The following SINHCAF variants were observed in gnomAD, a reference collection of about 807,000 sequenced individuals.
SINHCAF encodes the protein SIN3-HDAC complex-associated factor.
In SINHCAF, 3 loss-of-function variants were observed where a neutral mutation model predicts 25.8. That is an observed-to-expected ratio of 0.12 (90% CI 0.05 to 0.30). The LOEUF is 0.30. SINHCAF is among the 10% of genes least tolerant of loss of function. The probability of loss-of-function intolerance (pLI) is 1.00; values close to 1 mark genes in which losing one functional copy is unlikely to be tolerated. For synonymous variants in SINHCAF, 70 were observed against 85.5 expected (o/e 0.82, Z 1.00); for missense variants, 121 against 262.3 (o/e 0.46, Z 3.72).
chr12:31,282,785 T>G lies in SINHCAF; in HGVS notation c.593A>C (p.Asn198Thr), dbSNP rs760094697. ...TGGCTTCTCAGCAGCTGCTTTCTTA[T>G]TGCTGCAGCAAGGCTTGAAGAGATG... ...DTHLFKPCCSNKKAAAEKPEE... is the reference protein window; with the variant it reads ...DTHLFKPCCSTKKAAAEKPEE... The change falls in exon 6 of 6, where the codon AAT becomes ACT. Residue 198 changes from asparagine (N) to threonine (T), a missense_variant. Physicochemically the swap from Asn to Thr is moderately conservative, Grantham distance 65. Coordinates refer to ENST00000337682, the MANE Select transcript of SINHCAF (RefSeq NM_001135812.2). The G allele has an allele frequency of 6.8e-6, 11 of 1,613,290 alleles. No homozygotes were observed. In the Admixed American group the frequency reaches 1.5e-4, roughly 22 times the overall value.
Position 31,286,043 on chromosome 12 carries a change from T to TATG in SINHCAF, c.506+1588_506+1590dup, listed in dbSNP as rs1233549781. On this transcript the variant is annotated intron_variant, in intron 5 of 5. Transcript: ENST00000337682. ...TTAAAGTACTTTAAAGTACTTACAC[T>TATG]ATGCACTAGGCACTGTTCTAAAGTG... Among the ~76,000 whole-genome samples the TATG allele has an allele frequency of 2.0e-5, 3 of 151,776 alleles. No homozygotes were observed. In the East Asian group the frequency reaches 5.8e-4, roughly 29 times the overall value.
intron 5 of SINHCAF, among the ~76,000 whole-genome samples, chr12:31,283,843 A>C (rs1343711461): frequency 7.9e-6 from 1 of 127,250 alleles, no homozygotes; most frequent in East Asian, 2.3e-4. Flanking sequence ...ATCATACTGC[A>C]CAGTTATCCA....
At chr12:31,291,585 G>A (rs546699077) in intron 4 of SINHCAF, among the ~76,000 whole-genome samples, 10 of 152,168 alleles carry the variant, frequency 6.6e-5, no homozygotes, top group Non-Finnish European at 1.3e-4. Flanking sequence ...CCAACATGGC[G>A]AAACTCTGTC....
intron 1 of SINHCAF, among the ~76,000 whole-genome samples, chr12:31,310,838 C>G (rs948541230): frequency 3.3e-5 from 5 of 151,532 alleles, no homozygotes; most frequent in Non-Finnish European, 5.9e-5. Flanking sequence ...TGGATTCTGG[C>G]AGCATCGCTG....
rs531448762 is a variant in SINHCAF at position 31,324,928 on chromosome 12, A to G, written c.-21+1096T>C. 1 of 455,632 alleles carries G rather than the reference A, an allele frequency of 2.2e-6. No individual in the cohort carries two copies. Among genetic ancestry groups the G allele is most frequent in the South Asian group, 1.6e-5 (1 of 64,476 alleles). 28.2% of individuals were successfully genotyped at this position (455,632 alleles called of 1,614,324 possible). On this transcript the variant is annotated intron_variant, in intron 1 of 5. Coordinates refer to ENST00000337682, the MANE Select transcript of SINHCAF (RefSeq NM_001135812.2). This position sits in a 1 kb window ranked among gnomAD's most constrained non-coding sequence, Gnocchi z 5.5. ...CTTTTTAAACTGGCAAGACGCCATC[A>G]TCAGCAAACCACATTGTCCTGCCGG... is the stretch of plus-strand genomic sequence containing the variant.
chr12:31,285,054 T>A (rs926813599), intron 5 of SINHCAF, among the ~76,000 whole-genome samples: 2 of 152,208 alleles, frequency 1.3e-5, no homozygotes, highest in African/African-American at 4.8e-5. Flanking sequence ...ATAATATCTA[T>A]GAATGTGCTA....
chr12:31,305,934 A>T (rs934378538), intron 1 of SINHCAF, among the ~76,000 whole-genome samples: 2 of 152,158 alleles, frequency 1.3e-5, no homozygotes, highest in Non-Finnish European at 2.9e-5. Context: ...TCCTGACCTC[A>T]GGTGATCCGC....
intron 1 of SINHCAF, chr12:31,311,773 C>A (rs1193190450): frequency 8.0e-6 from 4 of 499,328 alleles, no homozygotes; most frequent in Non-Finnish European, 1.6e-5. Flanking sequence ...AGAAAGCCAG[C>A]CTAACCCAAA....
chr12:31,316,071 G>A (rs2137130192), intron 1 of SINHCAF, among the ~76,000 whole-genome samples: 1 of 152,234 alleles, frequency 6.6e-6, no homozygotes, highest in Middle Eastern at 3.4e-3. Flanking sequence ...TCAGGAGGCT[G>A]AGGCAGCAGA....
chr12:31,298,493 G>T (rs1193943230), intron 1 of SINHCAF: 1 of 366,524 alleles, frequency 2.7e-6, no homozygotes, highest in African/African-American at 2.1e-5. Context: ...AAATGGGGAA[G>T]AGAAGCATTT....
intron 4 of SINHCAF, among the ~76,000 whole-genome samples, chr12:31,291,521 T>C (rs1037770809): frequency 1.3e-5 from 2 of 152,184 alleles, no homozygotes; most frequent in African/African-American, 2.4e-5. Flanking sequence ...CCCAGGACTT[T>C]GGGAGGCCAA....
intron 1 of SINHCAF, among the ~76,000 whole-genome samples, chr12:31,321,692 G>A (rs1211422666): frequency 6.6e-6 from 1 of 152,050 alleles, no homozygotes; most frequent in Non-Finnish European, 1.5e-5. Flanking sequence ...GCAAAACTTC[G>A]TGCCTCAATA....
chr12:31,314,186 A>G (rs1457130786), intron 1 of SINHCAF, among the ~76,000 whole-genome samples: 1 of 152,016 alleles, frequency 6.6e-6, no homozygotes. Flanking sequence ...GGAGAAAGAG[A>G]TGGCAGAAGA....
In SINHCAF at chr12:31,325,065, G is replaced by A. The variant is rs1457178263; in HGVS notation, c.-21+959C>T. 8.8e-6 allele frequency: 4 copies of A among 456,826 alleles called. No homozygotes were observed. The highest frequency in any genetic ancestry group is 6.2e-5 in the South Asian group (4 of 64,566). 28.3% of individuals were successfully genotyped at this position (456,826 alleles called of 1,614,324 possible). A position where few individuals can be genotyped will look rare whatever the true frequency, so the allele number is the denominator to read the frequency against. On this transcript the variant is annotated intron_variant, in intron 1 of 5. Transcript: ENST00000337682. The surrounding 1 kb of genome is among the most constrained non-coding windows in gnomAD (Gnocchi z 5.9). ...TGGTCTGTCACGTAGAGCACAAAAA[G>A]CAGTGCCCTGCGGAGTTCACTGACT... is the stretch of plus-strand genomic sequence containing the variant.
chr12:31,318,109 C>T (rs1939559379), intron 1 of SINHCAF, among the ~76,000 whole-genome samples: 1 of 152,166 alleles, frequency 6.6e-6, no homozygotes, highest in Admixed American at 6.5e-5. Context: ...GTACAGCATC[C>T]AGTAAACACT....
Position 31,282,654 on chromosome 12 carries a change from T to C in SINHCAF, c.*58A>G. On this transcript the variant is annotated 3_prime_UTR_variant, in exon 6 of 6. Transcript: ENST00000337682. The stretch of plus-strand genomic sequence containing the variant: ...AAAAGAGGGTCAGTTTGTAGCTTTG[T>C]GGTTTTTCAAAATTCAGATATTTTT... 7.0e-7 allele frequency: 1 copy of C among 1,420,240 alleles called. No individual in the cohort carries two copies. Among genetic ancestry groups the C allele is most frequent in the Non-Finnish European group, 9.5e-7 (1 of 1,053,180 alleles). The allele number at this position is 1,420,240 out of a possible 1,614,324, so 88.0% of individuals were successfully genotyped here.
chr12:31,295,101 G>A, intron 3 of SINHCAF, 133 bp downstream of exon 3: 1 of 619,084 alleles, frequency 1.6e-6, no homozygotes, highest in Non-Finnish European at 2.9e-6. Flanking sequence ...TATCTGAACA[G>A]CAGCTAGTGT....
At chr12:31,298,269 C>G (rs772045397) in intron 1 of SINHCAF, 45 bp from the exon 2 acceptor site, 2 of 1,605,920 alleles carry the variant, frequency 1.2e-6, no homozygotes, top group Non-Finnish European at 1.7e-6. Context: ...AGGGCTGTAA[C>G]AAGGAACCAT....
intron 5 of SINHCAF, among the ~76,000 whole-genome samples, chr12:31,287,046 TGC>T (rs1341346626): frequency 6.6e-6 from 1 of 152,218 alleles, no homozygotes; most frequent in Non-Finnish European, 1.5e-5. Flanking sequence ...CCTCTCAAAA[TGC>T]TAGGATTACA....
Sources: gnomAD v4.1 joint callset for allele counts (sites outside exome capture counted in the v4.1 genomes callset) on GRCh38, gnomAD v4.1.1 for gene constraint, Gnocchi (gnomAD v3.1) non-coding constraint, MANE v1.5 for transcripts, NCBI Gene and HGNC (gene_info 2026-07-23, HGNC 2026-07-21) for gene names.